The following ZNF814 variants were observed in gnomAD, a reference collection of about 807,000 sequenced individuals.
ZNF814 encodes the protein zinc finger protein 814.
ZNF814 carries 5 observed loss-of-function variants against 7.5 expected under a neutral mutation model. That is an observed-to-expected ratio of 0.67 (90% CI 0.35 to 1.40). The LOEUF (loss-of-function observed/expected upper bound fraction) is 1.40. Among genes scored for constraint, ZNF814 ranks in the 40% most tolerant of loss-of-function variants. The pLI, the probability that ZNF814 is intolerant of heterozygous loss-of-function variation, is 0.04. For missense variants in ZNF814, 962 were observed against 1,018.0 expected (o/e 0.94, Z 0.75); for synonymous variants, 315 against 340.7 (o/e 0.92, Z 0.83).
intron 1 of ZNF814, among the ~76,000 whole-genome samples, chr19:57,877,705 T>C (rs1006398268): frequency 1.3e-5 from 2 of 152,108 alleles, no homozygotes; most frequent in Non-Finnish European, 2.9e-5. Flanking sequence ...CCTCCCAAAG[T>C]GCTAAAACTA....
chr19:57,890,576 G>C (rs1185205467), upstream of ZNF814, among the ~76,000 whole-genome samples: 2 of 152,072 alleles, frequency 1.3e-5, no homozygotes, highest in South Asian at 2.1e-4. Context: ...AGTGGGTTCT[G>C]GGGGAGAGGG....
At chr19:57,895,975 G>A in the ZNF814 span, among the ~76,000 whole-genome samples, 4 of 152,110 alleles carry the variant, frequency 2.6e-5, no homozygotes, top group South Asian at 8.3e-4. Flanking sequence ...GTCCACCCTA[G>A]GTACTTGTTT....
chr19:57,891,608 T>TTGGGAGAC (rs2071735229), upstream of ZNF814, among the ~76,000 whole-genome samples: 1 of 151,868 alleles, frequency 6.6e-6, no homozygotes, highest in Non-Finnish European at 1.5e-5. Context: ...TCCCAGCACT[T>TTGGGAGAC]TGGGAGACCA....
At chr19:57,883,251 G>T (rs1443125890) in intron 1 of ZNF814, among the ~76,000 whole-genome samples, 1 of 151,988 alleles carries the variant, frequency 6.6e-6, no homozygotes, top group Non-Finnish European at 1.5e-5. Flanking sequence ...CCAGCTACAC[G>T]GGAGGCTGAG....
chr19:57,888,862 C>T lies in ZNF814; in HGVS notation c.-60G>A. 2 of 1,537,406 alleles carry T rather than the reference C, an allele frequency of 1.3e-6. No homozygotes were observed. The highest frequency in any genetic ancestry group is 1.8e-6 in the Non-Finnish European group (2 of 1,134,596). ...AGGGCGACCAGCCAGGAGATATGGG[C>T]ACGACGGTCCGTATCCTGGCCCAGG... On this transcript the variant is annotated 5_prime_UTR_variant, in exon 1 of 3. Coordinates refer to ENST00000435989, the MANE Select transcript of ZNF814 (RefSeq NM_001144989.2).
In ZNF814 at chr19:57,877,676, C is replaced by T. The variant is rs147717886; in HGVS notation, c.37-634G>A. On this transcript the variant is annotated intron_variant, in intron 1 of 2. Coordinates refer to ENST00000435989, the MANE Select transcript of ZNF814 (RefSeq NM_001144989.2). ...CAAGCTGGTCTCGAACTCCTGACCT[C>T]GTAATCCTCCCACCTCGGCCTCCCA... Among the ~76,000 whole-genome samples, 1,220 of 152,136 alleles carry T rather than the reference C, an allele frequency of 8.0e-3. 16 individuals carry two copies. Among genetic ancestry groups the T allele is most frequent in the African/African-American group, 0.027 (1,137 of 41,486 alleles).
upstream of ZNF814, among the ~76,000 whole-genome samples, chr19:57,890,095 A>G (rs1454865784): frequency 1.3e-5 from 2 of 152,176 alleles, no homozygotes; most frequent in East Asian, 1.9e-4. Context: ...TTCAGATGCA[A>G]AATTCTTCCA....
rs1346215033 is a variant in ZNF814 at position 57,872,903 on chromosome 19, T to A, written c.2487A>T (p.Lys829Asn). The part of the protein sequence containing the change: ...KRVHTGEKPY[K>N]CEKCGKLFNK... ...TAAATAATTTCCCACATTTCTCACA[T>A]TTATAAGGCTTTTCTCCAGTGTGAA... is the stretch of plus-strand genomic sequence containing the variant. The change falls in exon 3 of 3, where the codon AAA becomes AAT. Residue 829 changes from lysine (K) to asparagine (N), a missense_variant. This residue lies in a region of ZNF814 where 665 missense variants were observed against 551.4 expected (regional missense o/e 1.21). Transcript: ENST00000435989. 1.2e-6 allele frequency: 2 copies of A among 1,612,270 alleles called. No individual in the cohort carries two copies. Among genetic ancestry groups the A allele is most frequent in the Non-Finnish European group, 1.7e-6 (2 of 1,179,496 alleles).
At position 57,871,881 on chromosome 19, in the gene ZNF814, G is replaced by A. The variant is rs150460761; in HGVS notation, c.*941C>T. On this transcript the variant is annotated 3_prime_UTR_variant, in exon 3 of 3. Coordinates refer to ENST00000435989, the MANE Select transcript of ZNF814 (RefSeq NM_001144989.2). ...TCCCAGCATGTTTGGAGGCCAAGGT[G>A]GAAGGATCGCTTGAGCCAGGAGTTT... Among the ~76,000 whole-genome samples the A allele has an allele frequency of 2.0e-5, 3 of 151,608 alleles. No homozygotes were observed. Among genetic ancestry groups the A allele is most frequent in the African/African-American group, 7.3e-5 (3 of 41,306 alleles).
intron 1 of ZNF814, among the ~76,000 whole-genome samples, chr19:57,882,470 G>T (rs560944842): frequency 1.2e-5 from 1 of 84,200 alleles, no homozygotes; most frequent in East Asian, 3.1e-4. Flanking sequence ...TGCTGTGCTG[G>T]CTTCAGCTCT....
chr19:57,883,860 T>G (rs552954397), intron 1 of ZNF814, among the ~76,000 whole-genome samples: 3 of 151,706 alleles, frequency 2.0e-5, no homozygotes, highest in South Asian at 2.1e-4. Context: ...CAGGTTCAAG[T>G]GATTCTCCTG....
At position 57,873,707 on chromosome 19, in the gene ZNF814, G is replaced by C. The variant is rs899557936; in HGVS notation, c.1683C>G (p.Gly561=). The C allele has an allele frequency of 1.2e-6, 2 of 1,613,278 alleles. No homozygotes were observed. Among genetic ancestry groups the C allele is most frequent in the Non-Finnish European group, 1.7e-6 (2 of 1,179,716 alleles). ...GECGKSFSHK[G]TLILHQRVHP... ...GAACTCGCTGATGTAGAATGAGGGT[G>C]CCTTTATGACTAAAAGATTTCCCAC... Residue 561 remains glycine, a synonymous_variant, in exon 3 of 3, where the codon GGC becomes GGG. Coordinates refer to ENST00000435989, the MANE Select transcript of ZNF814 (RefSeq NM_001144989.2).
At chr19:57,902,213 C>T in the ZNF814 span, among the ~76,000 whole-genome samples, 8 of 152,114 alleles carry the variant, frequency 5.3e-5, no homozygotes, top group East Asian at 3.9e-4. Flanking sequence ...AAGGTGTGGA[C>T]GCTTGGCATT....
At chr19:57,903,995 C>A in the ZNF814 span, among the ~76,000 whole-genome samples, 92 of 152,300 alleles carry the variant, frequency 6.0e-4, no homozygotes, top group African/African-American at 2.1e-3. Flanking sequence ...GAAGGCTGCC[C>A]TGCCGCAGTA....
At chr19:57,885,686 A>G (rs1256915961) in intron 1 of ZNF814, among the ~76,000 whole-genome samples, 1 of 152,014 alleles carries the variant, frequency 6.6e-6, no homozygotes, top group Admixed American at 6.6e-5. Context: ...AATAAGATCT[A>G]GAAAAAGAGA....
In ZNF814 at chr19:57,872,662, G is replaced by T; in HGVS notation, c.*160C>A. ...CCCACATTCACTGCACTCATAAGGT[G>T]GTGTGACCAGTGTGAACTCTCTTAT... On this transcript the variant is annotated 3_prime_UTR_variant, in exon 3 of 3. Transcript: ENST00000435989. The T allele has an allele frequency of 6.6e-7, 1 of 1,515,862 alleles. No homozygotes were observed. The highest frequency in any genetic ancestry group is 1.2e-5 in the South Asian group (1 of 83,730). The allele number at this position is 1,515,862 out of a possible 1,614,324, so 93.9% of individuals were successfully genotyped here.
Position 57,877,038 on chromosome 19 carries a change from G to A in ZNF814, c.41C>T (p.Thr14Ile). Reference sequence around the variant, plus strand: ...CACAGCCACATCTTCAAAAGTCACTGTGCCCTGTTATGATGTTGACAGATG... The same window carrying A: ...CACAGCCACATCTTCAAAAGTCACTATGCCCTGTTATGATGTTGACAGATG... ...AATLRLSAQG[T>I]VTFEDVAVNF... The change falls in exon 2 of 3, where the codon ACA (threonine) becomes ATA (isoleucine). Residue 14 changes from threonine to isoleucine, a missense_variant. Thr to Ile is a moderately conservative substitution (Grantham distance 89). Around this residue, in one of 7 missense-constraint regions of ZNF814, gnomAD observed 63 missense variants for 65.0 expected, o/e 0.97. Transcript: ENST00000435989. 1.2e-6 allele frequency: 2 copies of A among 1,614,046 alleles called. No homozygotes were observed. Among genetic ancestry groups the A allele is most frequent in the Non-Finnish European group, 1.7e-6 (2 of 1,179,958 alleles).
chr19:57,894,994 G>A, the ZNF814 span, among the ~76,000 whole-genome samples: 1 of 152,154 alleles, frequency 6.6e-6, no homozygotes, highest in Non-Finnish European at 1.5e-5. Flanking sequence ...GCACACAGGG[G>A]AAGAGTATAA....
At chr19:57,877,250 C>G (rs908901399) in intron 1 of ZNF814, among the ~76,000 whole-genome samples, 8 of 152,040 alleles carry the variant, frequency 5.3e-5, no homozygotes, top group Non-Finnish European at 1.0e-4. Context: ...GAGTCCACCC[C>G]CTCCTGACAG....
Sources: allele counts gnomAD v4.1 joint callset (sites outside exome capture counted in the v4.1 genomes callset), GRCh38; gene constraint gnomAD v4.1.1; regional missense constraint gnomAD v4.1.1; transcripts MANE v1.5; gene names NCBI Gene and HGNC (gene_info 2026-07-23, HGNC 2026-07-21).